Variants in ATRNL1 observed in about 807,000 individuals in gnomAD.
The protein encoded by ATRNL1 is attractin like 1.
Under a neutral mutation model 182.7 loss-of-function variants are expected in ATRNL1, and 95 were observed. The ratio of observed to expected loss-of-function variants is 0.52; its 90% CI spans 0.44 to 0.62. The LOEUF is 0.62. Among genes scored for constraint, ATRNL1 ranks in the 20% least tolerant of loss-of-function variants. The probability of loss-of-function intolerance (pLI) is 0.00; values close to 1 mark genes in which losing one functional copy is unlikely to be tolerated. For synonymous variants in ATRNL1, 576 were observed against 568.3 expected (o/e 1.01, Z -0.19); for missense variants, 1,471 against 1,679.5 (o/e 0.88, Z 2.17).
chr10:115,946,108 T>C lies in ATRNL1; in HGVS notation c.*1329T>C, dbSNP rs1224381940. On this transcript the variant is annotated 3_prime_UTR_variant, in exon 29 of 29. Coordinates refer to ENST00000355044, the MANE Select transcript of ATRNL1 (RefSeq NM_207303.4). ...TTCCTCACTTCAGGGTGACAAGATA[T>C]GTATAACAGTGACAGAAATCTCCAA... 1 of 152,258 alleles carries C rather than the reference T, an allele frequency of 6.6e-6. No individual in the cohort carries two copies. Among genetic ancestry groups the C allele is most frequent in the African/African-American group, 2.4e-5 (1 of 41,478 alleles). The allele number at this position is 152,258 out of a possible 1,614,324, so 9.4% of individuals were successfully genotyped here.
chr10:115,249,858 A>G (rs1850801043), intron 10 of ATRNL1, among the ~76,000 whole-genome samples: 2 of 152,166 alleles, frequency 1.3e-5, no homozygotes, highest in Admixed American at 6.6e-5. Context: ...CCAGAAATAT[A>G]TTTTCTTCTT....
chr10:115,349,025 A>G (rs1554940523), intron 19 of ATRNL1, among the ~76,000 whole-genome samples: 2 of 152,134 alleles, frequency 1.3e-5, no homozygotes, highest in Non-Finnish European at 2.9e-5. Context: ...AACTATAGTC[A>G]CTTTATTATG....
chr10:115,293,549 T>C (rs781981973), intron 15 of ATRNL1, among the ~76,000 whole-genome samples: 1 of 152,192 alleles, frequency 6.6e-6, no homozygotes, highest in East Asian at 1.9e-4. Flanking sequence ...GTGTTGGCTC[T>C]ACCAGTGAGT....
At chr10:115,748,349 CTTTT>C (rs58203488) in intron 27 of ATRNL1, among the ~76,000 whole-genome samples, 7 of 130,180 alleles carry the variant, frequency 5.4e-5, no homozygotes, top group Middle Eastern at 3.8e-3. Flanking sequence ...TCAGCTGCAT[CTTTT>C]TTTTTTTTTT....
chr10:115,613,438 T>G (rs1555019689), intron 26 of ATRNL1, among the ~76,000 whole-genome samples: 1 of 152,198 alleles, frequency 6.6e-6, no homozygotes, highest in Non-Finnish European at 1.5e-5. Context: ...CTAGTATTTC[T>G]GTTGATTTTT....
At chr10:115,818,896 C>T (rs538274382) in intron 27 of ATRNL1, among the ~76,000 whole-genome samples, 1 of 152,228 alleles carries the variant, frequency 6.6e-6, no homozygotes, top group South Asian at 2.1e-4. Context: ...CGGTCATCAC[C>T]CACACAGAGT....
intron 28 of ATRNL1, among the ~76,000 whole-genome samples, chr10:115,925,445 A>G (rs976734013): frequency 1.2e-4 from 19 of 152,288 alleles, no homozygotes; most frequent in African/African-American, 4.1e-4. Context: ...AAATGCCCCA[A>G]TTAAAAGACA....
At chr10:115,575,095 AAC>A (rs1555004722) in intron 26 of ATRNL1, among the ~76,000 whole-genome samples, 2 of 152,118 alleles carry the variant, frequency 1.3e-5, no homozygotes, top group African/African-American at 4.8e-5. Context: ...AAAGTGCTTA[AAC>A]ACTGTTTATC....
At chr10:115,237,763 T>C (rs1850248536) in intron 9 of ATRNL1, among the ~76,000 whole-genome samples, 1 of 152,186 alleles carries the variant, frequency 6.6e-6, no homozygotes. Context: ...TTTCATCATT[T>C]ATGCTTTTGT....
intron 9 of ATRNL1, among the ~76,000 whole-genome samples, chr10:115,223,706 A>G (rs1849560774): frequency 6.6e-6 from 1 of 151,674 alleles, no homozygotes; most frequent in Non-Finnish European, 1.5e-5. Flanking sequence ...ACTTTCCCGG[A>G]ATTTACTATA....
At chr10:115,658,600 T>G (rs1344279108) in intron 26 of ATRNL1, among the ~76,000 whole-genome samples, 2 of 151,928 alleles carry the variant, frequency 1.3e-5, no homozygotes, top group Admixed American at 6.6e-5. Context: ...TTCCAGGGGG[T>G]ATAGTATCCT....
chr10:115,864,324 G>T (rs1951385235), intron 28 of ATRNL1, among the ~76,000 whole-genome samples: 1 of 151,108 alleles, frequency 6.6e-6, no homozygotes. Flanking sequence ...TCTTATAGTA[G>T]AATTCTAATT....
intron 26 of ATRNL1, among the ~76,000 whole-genome samples, chr10:115,627,116 C>G (rs145467856): frequency 1.3e-5 from 2 of 152,148 alleles, no homozygotes; most frequent in East Asian, 3.9e-4. Flanking sequence ...AAGATGGGCA[C>G]CCACCGCTTC....
At chr10:115,451,333 G>A (rs679986) in intron 21 of ATRNL1, among the ~76,000 whole-genome samples, 105,476 of 151,978 alleles carry the variant, frequency 0.69, 37,573 homozygotes, top group African/African-American at 0.75. Context: ...CAACTATCCT[G>A]TAGAATGGGA....
intron 13 of ATRNL1, among the ~76,000 whole-genome samples, chr10:115,275,777 G>C (rs1852077871): frequency 6.6e-6 from 1 of 152,032 alleles, no homozygotes; most frequent in Admixed American, 6.6e-5. Flanking sequence ...TCTCAGTGAG[G>C]GTGAGCAGAT....
At chr10:115,412,836 T>A (rs1394219284) in intron 20 of ATRNL1, among the ~76,000 whole-genome samples, 1 of 152,192 alleles carries the variant, frequency 6.6e-6, no homozygotes, top group Non-Finnish European at 1.5e-5. Context: ...ACATTTTATA[T>A]CTGCAAAATT....
rs2133928219 is a variant in ATRNL1 at position 115,282,371 on chromosome 10, T to G, written c.2233+884T>G. Among the ~76,000 whole-genome samples, 3 of 151,332 alleles carry G rather than the reference T, an allele frequency of 2.0e-5. No individual in the cohort carries two copies. In the Middle Eastern group the frequency reaches 0.01, roughly 518 times the overall value. ...GTGCTGCACCCATTAACTCATCATTTAGCATCAGGTATATCTCCCAATGCT... is the reference window on the plus strand; with the variant it reads ...GTGCTGCACCCATTAACTCATCATTGAGCATCAGGTATATCTCCCAATGCT... On this transcript the variant is annotated intron_variant, in intron 14 of 28. Transcript: ENST00000355044.
At chr10:115,467,316 G>C in intron 23 of ATRNL1, 64 bp downstream of exon 23, 1 of 1,119,182 alleles carries the variant, frequency 8.9e-7, no homozygotes, top group East Asian at 2.6e-5. Flanking sequence ...GTTCTAACAT[G>C]ATCTACTGTT....
At chr10:115,536,634 G>C (rs964915638) in intron 25 of ATRNL1, among the ~76,000 whole-genome samples, 11 of 152,164 alleles carry the variant, frequency 7.2e-5, no homozygotes, top group African/African-American at 1.9e-4. Flanking sequence ...TGCGCCCACT[G>C]TCTGGCACTC....
Sources: gnomAD v4.1 joint callset for allele counts (sites outside exome capture counted in the v4.1 genomes callset) on GRCh38, gnomAD v4.1.1 for gene constraint, MANE v1.5 for transcripts, NCBI Gene and HGNC (gene_info 2026-07-23, HGNC 2026-07-21) for gene names.